SUMF1: variants seen among roughly 807,000 people sequenced by gnomAD.
SUMF1 encodes the protein formylglycine-generating enzyme.
A neutral mutation model predicts 47.6 loss-of-function variants in SUMF1; 48 were observed. The observed-to-expected ratio is 1.01, with a 90% confidence interval of 0.80 to 1.28. The LOEUF is 1.28. SUMF1 is among the 50% of genes most tolerant of loss of function. SUMF1 has a pLI of 0.00. For synonymous variants in SUMF1, 230 were observed against 192.1 expected, an observed-to-expected ratio of 1.20 and a Z score of -1.63; for missense variants, 571 against 485.4, an observed-to-expected ratio of 1.18 and a Z score of -1.66.
chr3:4,371,398 C>T (rs937221083), intron 8 of SUMF1, among the ~76,000 whole-genome samples: 1 of 152,178 alleles, frequency 6.6e-6, no homozygotes, highest in Non-Finnish European at 1.5e-5. Context: ...GACTTACCAG[C>T]CTTGGGGCTT....
At chr3:4,257,775 C>T (rs926888019) in intron 8 of SUMF1, among the ~76,000 whole-genome samples, 85 of 152,044 alleles carry the variant, frequency 5.6e-4, no homozygotes, top group Middle Eastern at 6.8e-3. Flanking sequence ...AAAGTTCATA[C>T]GGAACCAAAA....
chr3:4,278,370 C>A (rs1425258560), intron 8 of SUMF1, among the ~76,000 whole-genome samples: 1 of 151,992 alleles, frequency 6.6e-6, no homozygotes, highest in Non-Finnish European at 1.5e-5. Flanking sequence ...TAATCTCAAA[C>A]CTATTACCTT....
At chr3:4,457,948 G>C (rs930578121) in intron 1 of SUMF1, among the ~76,000 whole-genome samples, 1 of 152,132 alleles carries the variant, frequency 6.6e-6, no homozygotes, top group Admixed American at 6.5e-5. Flanking sequence ...AGAGTGAAGA[G>C]ATATCCCAGA....
intron 7 of SUMF1, among the ~76,000 whole-genome samples, chr3:4,380,139 G>C (rs1203903465): frequency 1.3e-5 from 2 of 151,958 alleles, no homozygotes; most frequent in African/African-American, 4.8e-5. Flanking sequence ...AGAGTCTTGG[G>C]GATGCATAAG....
At chr3:4,383,703 G>C (rs1347392900) in intron 7 of SUMF1, among the ~76,000 whole-genome samples, 2 of 152,208 alleles carry the variant, frequency 1.3e-5, no homozygotes, top group Non-Finnish European at 2.9e-5. Context: ...TTCTCCGGCT[G>C]TGACAAAGAC....
chr3:4,315,237 C>T (rs989442839), intron 8 of SUMF1, among the ~76,000 whole-genome samples: 1 of 152,198 alleles, frequency 6.6e-6, no homozygotes, highest in African/African-American at 2.4e-5. Flanking sequence ...CAGCTTGTAT[C>T]CCTCACTCCA....
At chr3:4,325,344 T>C (rs1177143737) in intron 8 of SUMF1, among the ~76,000 whole-genome samples, 1 of 151,158 alleles carries the variant, frequency 6.6e-6, no homozygotes, top group Non-Finnish European at 1.5e-5. Flanking sequence ...TGAAGTCTCA[T>C]ACCCCACAGA....
chr3:4,077,549 C>T (rs1692466731), intron 8 of SUMF1, among the ~76,000 whole-genome samples: 1 of 152,056 alleles, frequency 6.6e-6, no homozygotes, highest in East Asian at 1.9e-4. Context: ...AGCAAACTAT[C>T]ACAAGGACAG....
intron 9 of SUMF1, among the ~76,000 whole-genome samples, chr3:4,059,596 A>C (rs1695244827): frequency 6.6e-6 from 1 of 152,188 alleles, no homozygotes; most frequent in South Asian, 2.1e-4. Flanking sequence ...CATGTTATTC[A>C]ACAAATTTGT....
At chr3:4,160,163 T>C (rs1694542857) in intron 8 of SUMF1, among the ~76,000 whole-genome samples, 1 of 152,136 alleles carries the variant, frequency 6.6e-6, no homozygotes, top group Middle Eastern at 3.2e-3. Context: ...TCTCTTTCTC[T>C]ACCTCCTCTT....
chr3:4,308,194 G>T (rs1698266216), intron 8 of SUMF1, among the ~76,000 whole-genome samples: 1 of 152,200 alleles, frequency 6.6e-6, no homozygotes. Context: ...ATGGAGGAAA[G>T]GTATACAGTC....
intron 3 of SUMF1, among the ~76,000 whole-genome samples, chr3:4,433,030 G>C (rs1472036481): frequency 1.3e-5 from 2 of 152,132 alleles, no homozygotes; most frequent in Non-Finnish European, 2.9e-5. Flanking sequence ...TCATCTATAA[G>C]ATTTTTTGCC....
chr3:4,382,110 C>T (rs1025465743), intron 7 of SUMF1, among the ~76,000 whole-genome samples: 2 of 152,090 alleles, frequency 1.3e-5, no homozygotes, highest in Non-Finnish European at 2.9e-5. Context: ...CAATGAGTAT[C>T]AATGGCTGCT....
intron 7 of SUMF1, among the ~76,000 whole-genome samples, chr3:4,379,757 A>G (rs1415340677): frequency 6.7e-6 from 1 of 148,358 alleles, no homozygotes; most frequent in Non-Finnish European, 1.5e-5. Context: ...CAGGAGAATC[A>G]CTTGAATCCG....
intron 8 of SUMF1, among the ~76,000 whole-genome samples, chr3:4,207,397 G>C (rs1009110144): frequency 2.0e-4 from 31 of 152,160 alleles, no homozygotes; most frequent in Admixed American, 1.6e-3. Flanking sequence ...AGACATTTTT[G>C]TATCCTTTCA....
chr3:4,222,798 G>T (rs572698623), intron 8 of SUMF1, among the ~76,000 whole-genome samples: 11 of 152,152 alleles, frequency 7.2e-5, no homozygotes, highest in African/African-American at 2.6e-4. Flanking sequence ...GCCGCTGGGT[G>T]AGGAAAGAGA....
At chr3:4,338,130 T>C (rs1023517913) in intron 8 of SUMF1, among the ~76,000 whole-genome samples, 2 of 152,154 alleles carry the variant, frequency 1.3e-5, no homozygotes, top group Non-Finnish European at 2.9e-5. Context: ...CTTGGCACAG[T>C]GGTGCATCCC....
At position 4,096,110 on chromosome 3, in the gene SUMF1, A is replaced by G. The variant is rs367858667; in HGVS notation, c.1015-27365T>C. ...GATATCCTAAATTTGTAAAGACTGT[A>G]TGGTCTTTAAGCTATTTCATTTACA... On this transcript the variant is annotated intron_variant and NMD_transcript_variant, in intron 8 of 12. Coordinates refer to the SUMF1 transcript ENST00000448413. Among the ~76,000 whole-genome samples the G allele has an allele frequency of 1.2e-4, 19 of 152,266 alleles. No homozygotes were observed. In the East Asian group the frequency reaches 2.9e-3, roughly 23 times the overall value.
intron 8 of SUMF1, 98 bp from the exon 9 acceptor site, chr3:4,362,352 C>A: frequency 1.1e-6 from 1 of 945,324 alleles, no homozygotes; most frequent in Non-Finnish European, 1.7e-6. Flanking sequence ...GACAGTGCTT[C>A]CCCACAACCC....
Sources: gnomAD v4.1 joint callset for allele counts (sites outside exome capture counted in the v4.1 genomes callset) on GRCh38, gnomAD v4.1.1 for gene constraint, MANE v1.5 for transcripts, NCBI Gene and HGNC (gene_info 2026-07-23, HGNC 2026-07-21) for gene names.